Variants in CFHR4 observed in about 807,000 individuals in gnomAD.
CFHR4 encodes complement factor H related 4.
Under a neutral mutation model 69.3 loss-of-function variants are expected in CFHR4, and 64 were observed. The observed-to-expected ratio is 0.92, with a 90% confidence interval of 0.76 to 1.14. The LOEUF (loss-of-function observed/expected upper bound fraction) is 1.14, where lower values mean the gene tolerates loss of function less well. Ranked by LOEUF, CFHR4 falls within the 50% of genes most tolerant of loss-of-function variation. The pLI is 0.00. For missense variants in CFHR4, 636 were observed against 684.9 expected, an observed-to-expected ratio of 0.93 and a Z score of 0.80; for synonymous variants, 244 against 237.0, an observed-to-expected ratio of 1.03 and a Z score of -0.27.
rs1246382145 is a variant in CFHR4 at position 196,910,519 on chromosome 1, C to A, written c.997+41C>A. 3 of 1,500,094 alleles carry A rather than the reference C, an allele frequency of 2.0e-6. 1 individual carries two copies. The African/African-American group carries it at 4.2e-5, about 21-fold the overall frequency. The allele number at this position is 1,500,094 out of a possible 1,614,324, so 92.9% of individuals were successfully genotyped here. A position where few individuals can be genotyped will look rare whatever the true frequency, so the allele number is the denominator to read the frequency against. ...TACAACAATATGTGCATAAAACTTG[C>A]AAAGAATGGAGAGAGAAGAGCAAAC... On this transcript the variant is annotated intron_variant, in intron 6 of 9. Coordinates refer to ENST00000608469, the MANE Select transcript of CFHR4 (RefSeq NM_001201550.3).
chr1:196,895,918 C>A (rs1657269864), intron 1 of CFHR4, among the ~76,000 whole-genome samples: 1 of 151,318 alleles, frequency 6.6e-6, no homozygotes, highest in Non-Finnish European at 1.5e-5. Context: ...GGGCTTCCTG[C>A]ATTGTTTTCA....
rs1267099905 is a variant in CFHR4 at position 196,915,097 on chromosome 1, CAT to C, written c.1500_1501del (p.Cys501Ter). 6.2e-7 allele frequency: 1 copy of C among 1,612,978 alleles called. No homozygotes were observed. Among genetic ancestry groups the C allele is most frequent in the Non-Finnish European group, 8.5e-7 (1 of 1,179,830 alleles). On this transcript the variant is annotated frameshift_variant, in exon 9 of 10. Coordinates refer to ENST00000608469, the MANE Select transcript of CFHR4 (RefSeq NM_001201550.3). LOFTEE classifies it low-confidence loss of function (END_TRUNC). Reference sequence around the variant, plus strand: ...GAACTTCAGGGTTCTAATTATGTAACATGTAGTAATGGAGAGTGGTCGGAACC... The same window carrying C: ...GAACTTCAGGGTTCTAATTATGTAACGTAGTAATGGAGAGTGGTCGGAACC...
chr1:196,910,387 C>G lies in CFHR4; in HGVS notation c.906C>G (p.Tyr302Ter). 18 of 1,612,406 alleles carry G rather than the reference C, an allele frequency of 1.1e-5. No individual in the cohort carries two copies. The highest frequency in any genetic ancestry group is 1.5e-5 in the Non-Finnish European group (18 of 1,179,292). The change falls in exon 6 of 10, where the codon TAC (tyrosine) becomes TAG (stop). Residue 302 changes from tyrosine (Y) to a stop codon, truncating the protein, a stop_gained. Coordinates refer to ENST00000608469, the MANE Select transcript of CFHR4 (RefSeq NM_001201550.3). LOFTEE classifies it high-confidence loss of function. Reference sequence around the variant, plus strand: ...CTACAGGACAATCTTACTCCTATTACTGTGACCAAAATTTTGTGACTCCTT... The same window carrying G: ...CTACAGGACAATCTTACTCCTATTAGTGTGACCAAAATTTTGTGACTCCTT... ...PVATGQSYSY[Y>*]CDQNFVTPSG...
chr1:196,902,501 G>A lies in CFHR4; in HGVS notation c.142G>A (p.Ala48Thr), dbSNP rs368555895. ...GCGTAGACTATACTTTCCAGCAGCT[G>A]CAGGACAATCTTATTCCTATTACTG... ...SLRRLYFPAA[A>T]GQSYSYYCDQ... Residue 48 changes from alanine (A) to threonine (T), a missense_variant, in exon 2 of 10, where the codon GCA becomes ACA. This residue lies in a region of CFHR4 where 529 missense variants were observed against 533.2 expected (regional missense o/e 0.99). Transcript: ENST00000608469. The A allele has an allele frequency of 1.2e-6, 2 of 1,611,370 alleles. No homozygotes were observed. Among genetic ancestry groups the A allele is most frequent in the Non-Finnish European group, 1.7e-6 (2 of 1,178,494 alleles).
intron 7 of CFHR4, among the ~76,000 whole-genome samples, chr1:196,913,328 G>T (rs1274282397): frequency 6.6e-6 from 1 of 151,500 alleles, no homozygotes; most frequent in African/African-American, 2.4e-5. Flanking sequence ...GGGGAGAAAT[G>T]AGTGCTTAAT....
chr1:196,894,375 C>T (rs140010374), intron 1 of CFHR4, among the ~76,000 whole-genome samples: 2,705 of 151,450 alleles, frequency 0.018, 145 homozygotes, highest in African/African-American at 0.06. Context: ...TTTTAAATTG[C>T]CCATGTATTT....
rs1657849202 is a variant in CFHR4 at position 196,905,263 on chromosome 1, G to A, written c.412G>A (p.Gly138Arg). 1 of 1,611,136 alleles carries A rather than the reference G, an allele frequency of 6.2e-7. No homozygotes were observed. Among genetic ancestry groups the A allele is most frequent in the Non-Finnish European group, 8.5e-7 (1 of 1,178,758 alleles). ...AGGATCAATTACATGTTTGCAAAATGGATGGTCAACACAACCAATTTGCAT... is the reference window on the plus strand; with the variant it reads ...AGGATCAATTACATGTTTGCAAAATAGATGGTCAACACAACCAATTTGCAT... ...SSGSITCLQN[G>R]WSTQPICIKF... The change falls in exon 3 of 10, where the codon GGA becomes AGA. Residue 138 changes from glycine (G) to arginine (R), a missense_variant. Around this residue, in one of 3 missense-constraint regions of CFHR4, gnomAD observed 529 missense variants for 533.2 expected, o/e 0.99. Coordinates refer to ENST00000608469, the MANE Select transcript of CFHR4 (RefSeq NM_001201550.3).
intron 1 of CFHR4, among the ~76,000 whole-genome samples, chr1:196,891,233 C>A (rs925637832): frequency 1.3e-5 from 2 of 151,508 alleles, no homozygotes; most frequent in African/African-American, 4.9e-5. Flanking sequence ...GCCTTGGCGA[C>A]AGAGCAAGAC....
intron 1 of CFHR4, among the ~76,000 whole-genome samples, chr1:196,899,214 C>T (rs1657464718): frequency 6.6e-6 from 1 of 151,102 alleles, no homozygotes; most frequent in South Asian, 2.1e-4. Flanking sequence ...TCTCTACAAA[C>T]ATATTCTTTT....
chr1:196,903,769 A>G (rs1247322023), intron 2 of CFHR4, among the ~76,000 whole-genome samples: 2 of 151,524 alleles, frequency 1.3e-5, no homozygotes, highest in Admixed American at 6.6e-5. Flanking sequence ...TTCAGTATTT[A>G]TATCAAAGTG....
chr1:196,888,895 C>T (rs1323958529), intron 1 of CFHR4, among the ~76,000 whole-genome samples: 1 of 151,176 alleles, frequency 6.6e-6, no homozygotes. Context: ...AGCTTTATGT[C>T]ATTGTTCTCT....
intron 5 of CFHR4, among the ~76,000 whole-genome samples, chr1:196,909,600 A>G (rs1289480843): frequency 6.6e-6 from 1 of 151,450 alleles, no homozygotes; most frequent in East Asian, 1.9e-4. Context: ...TGATTTGGGG[A>G]AATTTCTAAA....
At chr1:196,896,714 G>A (rs926349748) in intron 1 of CFHR4, among the ~76,000 whole-genome samples, 2 of 151,390 alleles carry the variant, frequency 1.3e-5, no homozygotes, top group African/African-American at 4.9e-5. Context: ...GTCATCCCTA[G>A]AAGTTGTAGG....
In CFHR4 at chr1:196,910,330, T is replaced by C; in HGVS notation, c.849T>C (p.Tyr283=). 1 of 1,610,782 alleles carries C rather than the reference T, an allele frequency of 6.2e-7. No individual in the cohort carries two copies. The highest frequency in any genetic ancestry group is 1.3e-5 in the African/African-American group (1 of 74,392). ...FPEIQHGHLY[Y]ENTRRPYFPV... is the part of the protein sequence containing the mutation. ...AAATTCAACATGGACATCTATATTA[T>C]GAGAATACGCGTAGACCATACTTTC... Residue 283 remains tyrosine (Y), a synonymous_variant, in exon 6 of 10, where the codon TAT becomes TAC. Coordinates refer to ENST00000608469, the MANE Select transcript of CFHR4 (RefSeq NM_001201550.3).
intron 7 of CFHR4, among the ~76,000 whole-genome samples, chr1:196,913,624 C>A (rs1658404835): frequency 1.3e-5 from 2 of 151,126 alleles, no homozygotes; most frequent in African/African-American, 4.9e-5. Flanking sequence ...GATTTTTTTT[C>A]TTTCCTCTTT....
chr1:196,891,758 A>T (rs1189992135), intron 1 of CFHR4, among the ~76,000 whole-genome samples: 1 of 151,418 alleles, frequency 6.6e-6, no homozygotes, highest in East Asian at 1.9e-4. Flanking sequence ...TTTGCTATTT[A>T]AATTGTGGTA....
chr1:196,909,751 G>T (rs1472728551), intron 5 of CFHR4, among the ~76,000 whole-genome samples: 2 of 151,228 alleles, frequency 1.3e-5, no homozygotes, highest in Non-Finnish European at 1.5e-5. Flanking sequence ...TGGGTTGATA[G>T]GTGGAGCTAA....
At chr1:196,889,157 A>C (rs2124929807) in intron 1 of CFHR4, among the ~76,000 whole-genome samples, 1 of 151,656 alleles carries the variant, frequency 6.6e-6, no homozygotes, top group Middle Eastern at 3.4e-3. Context: ...TATTGAGAGT[A>C]TCTTTTCCCT....
chr1:196,896,557 G>T (rs898831771), intron 1 of CFHR4, among the ~76,000 whole-genome samples: 4 of 151,542 alleles, frequency 2.6e-5, no homozygotes. Flanking sequence ...AGTTGTTTTC[G>T]ACACTCTGGC....
Sources: gnomAD v4.1 joint callset for allele counts (sites outside exome capture counted in the v4.1 genomes callset) on GRCh38, gnomAD v4.1.1 for gene constraint, gnomAD v4.1.1 regional missense constraint, MANE v1.5 for transcripts, NCBI Gene and HGNC (gene_info 2026-07-23, HGNC 2026-07-21) for gene names.